Variants in ABCC4 observed in about 807,000 individuals in gnomAD.
ABCC4 encodes the protein ATP binding cassette subfamily C member 4 (PEL blood group).
A neutral mutation model predicts 168.5 loss-of-function variants in ABCC4; 102 were observed. The ratio of observed to expected loss-of-function variants is 0.61; its 90% CI spans 0.52 to 0.71. The LOEUF (loss-of-function observed/expected upper bound fraction) is 0.71, where lower values mean the gene tolerates loss of function less well. ABCC4 is among the 30% of genes least tolerant of loss of function. The pLI, the probability that ABCC4 is intolerant of heterozygous loss-of-function variation, is 0.00. For missense variants in ABCC4, 1,402 were observed against 1,605.8 expected (o/e 0.87, Z 2.17); for synonymous variants, 617 against 590.7 (o/e 1.04, Z -0.65).
intron 1 of ABCC4, among the ~76,000 whole-genome samples, chr13:95,264,284 T>C (rs1019645033): frequency 1.3e-5 from 2 of 152,144 alleles, no homozygotes; most frequent in African/African-American, 4.8e-5. Flanking sequence ...TAATAAGTGA[T>C]TCAGTTATTG....
intron 21 of ABCC4, 142 bp downstream of exon 21, chr13:95,082,998 A>G: frequency 1.1e-6 from 1 of 924,084 alleles, no homozygotes; most frequent in Non-Finnish European, 1.6e-6. Context: ...ACAATGATTC[A>G]TAATGGCCAA....
At chr13:95,259,263 C>T (rs2040467662) in intron 1 of ABCC4, among the ~76,000 whole-genome samples, 1 of 151,980 alleles carries the variant, frequency 6.6e-6, no homozygotes, top group African/African-American at 2.4e-5. Context: ...GCCTGTAATC[C>T]CAGCTACTCA....
chr13:95,211,422 G>A (rs935862017), intron 4 of ABCC4, among the ~76,000 whole-genome samples: 1 of 152,210 alleles, frequency 6.6e-6, no homozygotes, highest in Non-Finnish European at 1.5e-5. Flanking sequence ...GGGACACTGG[G>A]TGGGAGAGAC....
At chr13:95,261,320 G>A (rs549537496) in intron 1 of ABCC4, among the ~76,000 whole-genome samples, 17 of 151,984 alleles carry the variant, frequency 1.1e-4, no homozygotes, top group East Asian at 1.9e-4. Flanking sequence ...GTGGTGGTGC[G>A]TGCCTGTAAT....
intron 3 of ABCC4, among the ~76,000 whole-genome samples, chr13:95,241,311 G>C (rs1216415288): frequency 6.6e-6 from 1 of 151,032 alleles, no homozygotes; most frequent in Non-Finnish European, 1.5e-5. Context: ...GTTGCAGTGA[G>C]CCGAGATCGT....
chr13:95,192,989 T>C (rs1405749368), intron 9 of ABCC4, among the ~76,000 whole-genome samples: 1 of 152,232 alleles, frequency 6.6e-6, no homozygotes, highest in Non-Finnish European at 1.5e-5. Context: ...AACTGTCACC[T>C]TGTGTGAGTT....
intron 6 of ABCC4, among the ~76,000 whole-genome samples, chr13:95,209,109 T>G (rs61187480): frequency 1.3e-5 from 2 of 152,222 alleles, no homozygotes; most frequent in Non-Finnish European, 2.9e-5. Flanking sequence ...GAATGGAGCC[T>G]ATGAAACATT....
At chr13:95,037,801 T>C (rs532518403) in intron 29 of ABCC4, among the ~76,000 whole-genome samples, 1 of 152,240 alleles carries the variant, frequency 6.6e-6, no homozygotes, top group African/African-American at 2.4e-5. Flanking sequence ...TTGAGTCCTA[T>C]TACACCCAGG....
chr13:95,168,551 C>T (rs1270112627), intron 14 of ABCC4, among the ~76,000 whole-genome samples: 2 of 152,204 alleles, frequency 1.3e-5, no homozygotes, highest in Non-Finnish European at 2.9e-5. Flanking sequence ...GAGAACGGTG[C>T]ACACAGATCT....
intron 21 of ABCC4, among the ~76,000 whole-genome samples, chr13:95,078,413 A>C (rs1177434104): frequency 1.2e-5 from 1 of 83,810 alleles, no homozygotes; most frequent in Non-Finnish European, 3.1e-5. Context: ...ACTATGTCTC[A>C]AAAAAACAAA....
chr13:95,076,925 A>C (rs66502335), intron 21 of ABCC4, among the ~76,000 whole-genome samples: 1 of 151,144 alleles, frequency 6.6e-6, no homozygotes, highest in Non-Finnish European at 1.5e-5. Context: ...GTGCCTGGAT[A>C]ATTTTTGAGT....
chr13:95,159,321 C>A lies in ABCC4; in HGVS notation c.2455+1868G>T, dbSNP rs1016360474. On this transcript the variant is annotated intron_variant, in intron 19 of 30. Coordinates refer to ENST00000645237, the MANE Select transcript of ABCC4 (RefSeq NM_005845.5). Reference sequence around the variant, plus strand: ...CTAAAAAAAGTAAATAATTCATGACCTCTAAACATTTTGGACAAAGTAGAC... The same window carrying A: ...CTAAAAAAAGTAAATAATTCATGACATCTAAACATTTTGGACAAAGTAGAC... 1.5e-4 allele frequency among the ~76,000 whole-genome samples: 22 copies of A among 151,394 alleles called. 1 individual carries two copies. The highest frequency in any genetic ancestry group is 5.1e-4 in the African/African-American group (21 of 41,228).
At chr13:95,258,380 G>A (rs750390618) in intron 1 of ABCC4, among the ~76,000 whole-genome samples, 19 of 152,054 alleles carry the variant, frequency 1.2e-4, no homozygotes, top group East Asian at 1.9e-4. Flanking sequence ...CCTTGCGTGC[G>A]AGCAAATGCT....
intron 29 of ABCC4, chr13:95,043,404 CAGTT>C (rs2032443363): frequency 3.2e-5 from 12 of 371,786 alleles, no homozygotes; most frequent in Non-Finnish European, 4.9e-5. Context: ...CGTAGTATGA[CAGTT>C]AGCATCACAA....
Position 95,044,232 on chromosome 13 carries a change from T to C in ABCC4, c.3629+34A>G, listed in dbSNP as rs927245801. 25 of 1,551,892 alleles carry C rather than the reference T, an allele frequency of 1.6e-5. No homozygotes were observed. The Admixed American group carries it at 4.1e-4, about 25-fold the overall frequency. ...GTTTCCCATTTACACACTTAAAATG[T>C]GGACTCAAGGTTACATGGACCTCAG... On this transcript the variant is annotated intron_variant, in intron 28 of 30. Coordinates refer to ENST00000645237, the MANE Select transcript of ABCC4 (RefSeq NM_005845.5).
At chr13:95,250,631 T>C (rs1436176802) in intron 1 of ABCC4, among the ~76,000 whole-genome samples, 1 of 152,102 alleles carries the variant, frequency 6.6e-6, no homozygotes, top group Non-Finnish European at 1.5e-5. Context: ...CCCAGCATCA[T>C]TTCCAGCAAG....
At chr13:95,042,892 T>C (rs2032418521) in intron 29 of ABCC4, among the ~76,000 whole-genome samples, 1 of 152,166 alleles carries the variant, frequency 6.6e-6, no homozygotes, top group African/African-American at 2.4e-5. Context: ...AAGAAGTCTA[T>C]ATGATACATT....
At chr13:95,260,443 C>T (rs551421215) in intron 1 of ABCC4, among the ~76,000 whole-genome samples, 3 of 152,276 alleles carry the variant, frequency 2.0e-5, no homozygotes, top group South Asian at 2.1e-4. Flanking sequence ...TCACCCAGCA[C>T]ATCCTGGTTA....
intron 4 of ABCC4, among the ~76,000 whole-genome samples, chr13:95,228,879 G>C (rs1483948851): frequency 3.3e-5 from 5 of 151,786 alleles, no homozygotes; most frequent in Admixed American, 3.3e-4. Context: ...GGGCAACATA[G>C]GGAGACCCTG....
Sources: gnomAD v4.1 joint callset for allele counts (sites outside exome capture counted in the v4.1 genomes callset) on GRCh38, gnomAD v4.1.1 for gene constraint, MANE v1.5 for transcripts, NCBI Gene and HGNC (gene_info 2026-07-23, HGNC 2026-07-21) for gene names.